Variants in SHPRH observed in about 807,000 individuals in gnomAD.
SHPRH encodes E3 ubiquitin-protein ligase SHPRH.
In SHPRH, 106 loss-of-function variants were observed where a neutral mutation model predicts 202.5. The ratio of observed to expected loss-of-function variants is 0.52; its 90% CI spans 0.45 to 0.62. SHPRH has a LOEUF of 0.62. Ranked by LOEUF, SHPRH falls within the 20% of genes least tolerant of loss-of-function variation. SHPRH has a pLI of 0.00. For synonymous variants in SHPRH, 729 were observed against 686.0 expected (o/e 1.06, Z -0.98); for missense variants, 1,710 against 2,020.0 (o/e 0.85, Z 2.94).
At position 145,947,628 on chromosome 6, in the gene SHPRH, G is replaced by A. The variant is rs769021866; in HGVS notation, c.1077C>T (p.Tyr359=). The A allele has an allele frequency of 5.7e-5, 92 of 1,612,204 alleles. No individual in the cohort carries two copies. Among genetic ancestry groups the A allele is most frequent in the Non-Finnish European group, 7.4e-5 (87 of 1,179,020 alleles). ...NPYTGCIIRE[Y]PNSGPQLLGG... is the part of the protein sequence containing the mutation. ...CAAGCAACTGCGGCCCAGAATTTGG[G>A]TACTCACGAATGATGCTGAGGAAAA... Residue 359 remains tyrosine, a synonymous_variant, in exon 6 of 30, where the codon TAC becomes TAT. Transcript: ENST00000275233.
intron 9 of SHPRH, 68 bp from the exon 10 acceptor site, chr6:145,941,942 T>C: frequency 1.3e-6 from 2 of 1,555,180 alleles, no homozygotes; most frequent in Non-Finnish European, 8.7e-7. Context: ...TATTCACTCA[T>C]TTATACCCTT....
At chr6:145,914,524 G>A (rs961819212) in intron 23 of SHPRH, among the ~76,000 whole-genome samples, 2 of 152,130 alleles carry the variant, frequency 1.3e-5, no homozygotes, top group Admixed American at 6.6e-5. Flanking sequence ...CAGACAATAC[G>A]TAAATGAATG....
At chr6:145,867,625 T>TAGAG (rs1207602984) in intron 2 of SHPRH, among the ~76,000 whole-genome samples, 29 of 63,402 alleles carry the variant, frequency 4.6e-4, no homozygotes, top group African/African-American at 1.2e-3. Flanking sequence ...TATATATATA[T>TAGAG]ATATATAGAG....
chr6:145,910,657 G>A (rs1319660953), intron 24 of SHPRH, 21 bp from the exon 25 acceptor site: 3 of 1,544,252 alleles, frequency 1.9e-6, no homozygotes, highest in South Asian at 2.5e-5. Flanking sequence ...AACAGAACAA[G>A]CCTTAGTGCT....
At chr6:145,934,295 C>T (rs368812703) in intron 13 of SHPRH, among the ~76,000 whole-genome samples, 3 of 151,646 alleles carry the variant, frequency 2.0e-5, no homozygotes, top group Non-Finnish European at 4.4e-5. Context: ...GATGAAACCC[C>T]GTCTCTACTA....
At position 145,910,521 on chromosome 6, in the gene SHPRH, G is replaced by A. The variant is rs774614849; in HGVS notation, c.4442C>T (p.Thr1481Ile). The A allele has an allele frequency of 6.2e-7, 1 of 1,612,966 alleles. No individual in the cohort carries two copies. The highest frequency in any genetic ancestry group is 8.5e-7 in the Non-Finnish European group (1 of 1,179,572). ...SSIKCAICRQTTSHKEISYVF... is the reference protein window; with the variant it reads ...SSIKCAICRQITSHKEISYVF... Reference sequence around the variant, plus strand: ...ATACGAGATTTCTTTGTGAGATGTGGTCTGGCGGCAGATTGCACACTTAAT... The same window carrying A: ...ATACGAGATTTCTTTGTGAGATGTGATCTGGCGGCAGATTGCACACTTAAT... The change falls in exon 25 of 30, where the codon ACC becomes ATC. Residue 1481 changes from threonine (T) to isoleucine (I), a missense_variant. By Grantham distance (89) the Thr-to-Ile change is moderately conservative (BLOSUM62 -1). This residue lies in a region of SHPRH where 306 missense variants were observed against 479.5 expected (regional missense o/e 0.64). Coordinates refer to ENST00000275233, the MANE Select transcript of SHPRH (RefSeq NM_001042683.3).
At position 145,919,419 on chromosome 6, in the gene SHPRH, G is replaced by T. The variant is rs776312479; in HGVS notation, c.4081C>A (p.Arg1361=). Residue 1361 remains arginine (R), a synonymous_variant, in exon 22 of 30, where the codon CGA becomes AGA. Coordinates refer to ENST00000275233, the MANE Select transcript of SHPRH (RefSeq NM_001042683.3). ...TCCCTAGGATCACGCACTCTTAGTC[G>T]TTCTGTAGCCATTGCAAGTTCATCA... The part of the protein sequence containing the change: ...AVDELAMATE[R]LRVRDPREPK... 5 of 1,612,988 alleles carry T rather than the reference G, an allele frequency of 3.1e-6. No individual in the cohort carries two copies. In the African/African-American group the frequency reaches 6.7e-5, roughly 22 times the overall value.
At chr6:145,912,939 T>C (rs1403896926) in intron 24 of SHPRH, among the ~76,000 whole-genome samples, 2 of 152,126 alleles carry the variant, frequency 1.3e-5, no homozygotes, top group African/African-American at 4.8e-5. Context: ...GGTTCTACCA[T>C]GTTTATAGAC....
At chr6:145,922,250 T>C in intron 20 of SHPRH, 36 bp downstream of exon 20, 1 of 1,569,858 alleles carries the variant, frequency 6.4e-7, no homozygotes. Context: ...AAATGTTTCA[T>C]TTTCTTGATG....
chr6:145,951,428 C>A (rs994619631), intron 3 of SHPRH, among the ~76,000 whole-genome samples: 3 of 151,976 alleles, frequency 2.0e-5, no homozygotes, highest in East Asian at 3.9e-4. Flanking sequence ...CAAAACTTCA[C>A]AATTAATGTA....
At chr6:145,889,697 C>A (rs1191767777) in intron 28 of SHPRH, among the ~76,000 whole-genome samples, 1 of 151,974 alleles carries the variant, frequency 6.6e-6, no homozygotes, top group African/African-American at 2.4e-5. Flanking sequence ...TATGTATATG[C>A]AAATATTCTA....
intron 14 of SHPRH, among the ~76,000 whole-genome samples, chr6:145,930,632 G>A (rs1366644809): frequency 6.6e-6 from 1 of 152,132 alleles, no homozygotes; most frequent in Non-Finnish European, 1.5e-5. Flanking sequence ...TTGTTTTACA[G>A]CCCAGAATAT....
In SHPRH at chr6:145,888,073, A is replaced by C. The variant is rs774393645; in HGVS notation, c.4902T>G (p.Ile1634Met). Reference protein sequence around the residue: ...TKPTIVHRFLIKATIEERMQA... With the variant: ...TKPTIVHRFLMKATIEERMQA... ...GCATTCTTTCTTCTATTGTTGCTTTAATTAAGAATCTGTGTACAATAGTAG... is the reference window on the plus strand; with the variant it reads ...GCATTCTTTCTTCTATTGTTGCTTTCATTAAGAATCTGTGTACAATAGTAG... Residue 1634 changes from isoleucine (I) to methionine (M), a missense_variant, in exon 29 of 30, where the codon ATT (isoleucine) becomes ATG (methionine). Ile to Met is a conservative substitution (Grantham distance 10). Coordinates refer to ENST00000275233, the MANE Select transcript of SHPRH (RefSeq NM_001042683.3). 1 of 1,612,788 alleles carries C rather than the reference A, an allele frequency of 6.2e-7. No individual in the cohort carries two copies. The highest frequency in any genetic ancestry group is 8.5e-7 in the Non-Finnish European group (1 of 1,179,094).
At chr6:145,924,905 A>T in intron 16 of SHPRH, 59 bp from the exon 17 acceptor site, 2 of 1,380,904 alleles carry the variant, frequency 1.4e-6, no homozygotes, top group Non-Finnish European at 1.0e-6. Flanking sequence ...ATTCAGTATG[A>T]TGTTTCAAGA....
intron 28 of SHPRH, among the ~76,000 whole-genome samples, chr6:145,888,590 G>A (rs1360639470): frequency 6.6e-6 from 1 of 152,114 alleles, no homozygotes; most frequent in Non-Finnish European, 1.5e-5. Flanking sequence ...GGTCACACAG[G>A]GCCTTCCAGG....
downstream of SHPRH, among the ~76,000 whole-genome samples, chr6:145,879,910 CAAAAAAAAAAAA>C (rs67055862): frequency 3.3e-5 from 2 of 61,110 alleles, no homozygotes; most frequent in African/African-American, 1.4e-4. Context: ...AACTCAATCT[CAAAAAAAAAAAA>C]AAAAAAAAAA....
At chr6:145,875,841 T>G (rs1241558748) in intron 2 of SHPRH, among the ~76,000 whole-genome samples, 4 of 152,330 alleles carry the variant, frequency 2.6e-5, no homozygotes, top group Non-Finnish European at 5.9e-5. Context: ...TCAGTGAGAT[T>G]CACAGGCCTG....
At chr6:145,954,467 A>G (rs1421654965) in intron 2 of SHPRH, among the ~76,000 whole-genome samples, 1 of 152,152 alleles carries the variant, frequency 6.6e-6, no homozygotes, top group Non-Finnish European at 1.5e-5. Flanking sequence ...ATGAGGACCA[A>G]AACAAGTCAC....
rs138360066 is a variant in SHPRH, at chr6:145,868,018, G to T, written c.222-3527C>A. Among the ~76,000 whole-genome samples the T allele has an allele frequency of 3.8e-3, 577 of 152,256 alleles. 2 individuals carry two copies. The highest frequency in any genetic ancestry group is 0.014 in the African/African-American group (562 of 41,548). ...CACAAACTGGGTGGCTTAAACAACA[G>T]AAATTGTTTTTCTCACAATTCTAGA... is the stretch of plus-strand genomic sequence containing the variant. On this transcript the variant is annotated intron_variant, in intron 2 of 2. Transcript: ENST00000417762.
Sources: allele counts gnomAD v4.1 joint callset (sites outside exome capture counted in the v4.1 genomes callset), GRCh38; gene constraint gnomAD v4.1.1; regional missense constraint gnomAD v4.1.1; transcripts MANE v1.5; gene names NCBI Gene and HGNC (gene_info 2026-07-23, HGNC 2026-07-21).